PRAG1: variants seen among roughly 807,000 people sequenced by gnomAD.
PRAG1 encodes the protein PEAK1 related, kinase-activating pseudokinase 1, also known as inactive tyrosine-protein kinase PRAG1.
In PRAG1, 110 loss-of-function variants were observed where a neutral mutation model predicts 95.6. That is an observed-to-expected ratio of 1.15 (90% CI 0.99 to 1.35). PRAG1 has a LOEUF of 1.35. Ranked by LOEUF, PRAG1 falls within the 40% of genes most tolerant of loss-of-function variation. PRAG1 has a pLI of 0.00. For synonymous variants in PRAG1, 1,052 were observed against 819.4 expected (o/e 1.28, Z -4.85); for missense variants, 2,554 against 1,864.7 (o/e 1.37, Z -6.81).
At position 8,343,693 on chromosome 8, in the gene PRAG1, C is replaced by T. The variant is rs1023420704; in HGVS notation, c.2163-4058G>A. Among the ~76,000 whole-genome samples the T allele has an allele frequency of 5.3e-5, 8 of 152,128 alleles. No homozygotes were observed. The South Asian group carries it at 6.2e-4, about 12-fold the overall frequency. ...GGCCAGATGGTAAATATTTTAGGCT[C>T]GTGGACCATAAGGGTTCTGTTGCAA... On this transcript the variant is annotated intron_variant, in intron 3 of 5. Coordinates refer to ENST00000615670, the MANE Select transcript of PRAG1 (RefSeq NM_001080826.3).
chr8:8,364,992 T>C (rs1370470139), intron 3 of PRAG1, among the ~76,000 whole-genome samples: 3 of 152,154 alleles, frequency 2.0e-5, no homozygotes, highest in African/African-American at 7.2e-5. Flanking sequence ...ATGACATGAA[T>C]ATAGAGAAGA....
At chr8:8,347,185 C>T (rs1218771125) in intron 3 of PRAG1, among the ~76,000 whole-genome samples, 1 of 152,180 alleles carries the variant, frequency 6.6e-6, no homozygotes, top group Non-Finnish European at 1.5e-5. Flanking sequence ...TAGTGCTGTC[C>T]TCATCAGTGA....
chr8:8,324,250 T>C (rs1429396113), intron 5 of PRAG1, among the ~76,000 whole-genome samples: 1 of 152,124 alleles, frequency 6.6e-6, no homozygotes, highest in Non-Finnish European at 1.5e-5. Flanking sequence ...CTCCTTTTTC[T>C]CAGGGGTATG....
chr8:8,377,627 G>A lies in PRAG1; in HGVS notation c.782C>T (p.Pro261Leu), dbSNP rs367551818. The stretch of plus-strand genomic sequence containing the variant: ...GGCAGCCTTGGCAACAGGGCTCCCA[G>A]GGCAGCAGTCCAGGATGGAGCAGTA... ...GEYCSILDCC[P>L]GSPVAKAASQ... is the part of the protein sequence containing the mutation. The change falls in exon 3 of 6, where the codon CCT becomes CTT. Residue 261 changes from proline to leucine, a missense_variant. Physicochemically the swap from Pro to Leu is moderately conservative, Grantham distance 98. Transcript: ENST00000615670. 2.5e-6 allele frequency: 4 copies of A among 1,613,492 alleles called. No homozygotes were observed. Among genetic ancestry groups the A allele is most frequent in the South Asian group, 1.1e-5 (1 of 91,072 alleles).
At chr8:8,372,941 T>A (rs951770952) in intron 3 of PRAG1, among the ~76,000 whole-genome samples, 4 of 152,232 alleles carry the variant, frequency 2.6e-5, no homozygotes, top group Non-Finnish European at 2.9e-5. Flanking sequence ...AACAGTGTCC[T>A]GTATGAAGCA....
intron 2 of PRAG1, among the ~76,000 whole-genome samples, chr8:8,379,262 C>G (rs75734277): frequency 6.6e-6 from 1 of 152,304 alleles, no homozygotes; most frequent in South Asian, 2.1e-4. Context: ...TGAGCCTGTG[C>G]GAGTGGTTGG....
rs753059272 is a variant in PRAG1 at position 8,339,590 on chromosome 8, C to T, written c.2208G>A (p.Val736=). The change falls in exon 4 of 6, where the codon GTG becomes GTA. Residue 736 remains valine, a synonymous_variant. Coordinates refer to ENST00000615670, the MANE Select transcript of PRAG1 (RefSeq NM_001080826.3). The part of the protein sequence containing the change: ...MNKSSSDLEK[V]SQGSAESLSP... ...TGAGGCTTTCTGCAGAGCCCTGGCTCACTTTTTCCAAATCAGAGCTGCTCT... is the reference window on the plus strand; with the variant it reads ...TGAGGCTTTCTGCAGAGCCCTGGCTTACTTTTTCCAAATCAGAGCTGCTCT... The T allele has an allele frequency of 6.2e-7, 1 of 1,614,042 alleles. No individual in the cohort carries two copies. The highest frequency in any genetic ancestry group is 8.5e-7 in the Non-Finnish European group (1 of 1,179,934).
chr8:8,377,669 T>A lies in PRAG1; in HGVS notation c.740A>T (p.Asp247Val). The A allele has an allele frequency of 6.2e-7, 1 of 1,613,754 alleles. No homozygotes were observed. Among genetic ancestry groups the A allele is most frequent in the Non-Finnish European group, 8.5e-7 (1 of 1,179,970 alleles). The change falls in exon 3 of 6, where the codon GAC (aspartate) becomes GTC (valine). Residue 247 changes from aspartate to valine, a missense_variant. By Grantham distance (152) the Asp-to-Val change is radical. Coordinates refer to ENST00000615670, the MANE Select transcript of PRAG1 (RefSeq NM_001080826.3). ...GGAGCAGTACTCTCCACCCTCGCTGTCCCCGGAGGGCGAGCACCTTTGATC... is the reference window on the plus strand; with the variant it reads ...GGAGCAGTACTCTCCACCCTCGCTGACCCCGGAGGGCGAGCACCTTTGATC... ...DSDQRCSPSG[D>V]SEGGEYCSIL... is the part of the protein sequence containing the mutation.
At chr8:8,331,746 G>A (rs564608118) in intron 4 of PRAG1, among the ~76,000 whole-genome samples, 4 of 152,186 alleles carry the variant, frequency 2.6e-5, no homozygotes, top group East Asian at 3.9e-4. Flanking sequence ...AAAACCCTTC[G>A]TGTATTCAGG....
chr8:8,336,202 A>G lies in PRAG1; in HGVS notation c.2320+3276T>C, dbSNP rs185787435. On this transcript the variant is annotated intron_variant, in intron 4 of 5. Transcript: ENST00000615670. The stretch of plus-strand genomic sequence containing the variant: ...TCTTCTCTAATCTCCAGGCATTCAG[A>G]AATGTTTGCCGAACTGCTGAACTGA... 2.6e-3 allele frequency among the ~76,000 whole-genome samples: 402 copies of G among 152,346 alleles called. 3 individuals are homozygous for G. The highest frequency in any genetic ancestry group is 9.0e-3 in the African/African-American group (373 of 41,584).
At chr8:8,342,601 G>C (rs1412542252) in intron 3 of PRAG1, among the ~76,000 whole-genome samples, 1 of 152,158 alleles carries the variant, frequency 6.6e-6, no homozygotes, top group Non-Finnish European at 1.5e-5. Context: ...AATGAGATCA[G>C]TAAAGATCTG....
At chr8:8,361,607 A>G (rs1238363013) in intron 3 of PRAG1, among the ~76,000 whole-genome samples, 1 of 152,204 alleles carries the variant, frequency 6.6e-6, no homozygotes, top group Non-Finnish European at 1.5e-5. Context: ...AGCATAATCA[A>G]TCTATTTCTT....
intron 5 of PRAG1, among the ~76,000 whole-genome samples, chr8:8,321,362 C>T (rs908646618): frequency 5.3e-5 from 8 of 152,184 alleles, no homozygotes; most frequent in South Asian, 2.1e-4. Context: ...TGGGATTACT[C>T]GCGTGAACCA....
chr8:8,345,408 A>C (rs1799308281), intron 3 of PRAG1, among the ~76,000 whole-genome samples: 1 of 151,964 alleles, frequency 6.6e-6, no homozygotes, highest in African/African-American at 2.4e-5. Context: ...AAAGAAAATC[A>C]GAAATCAGTA....
intron 3 of PRAG1, among the ~76,000 whole-genome samples, chr8:8,364,964 T>C (rs2030279): frequency 0.5 from 76,017 of 151,928 alleles, 19,881 homozygotes; most frequent in East Asian, 0.87. Flanking sequence ...GACAATTTCC[T>C]TGTTTCACGT....
chr8:8,353,826 A>G (rs1374060429), intron 3 of PRAG1, among the ~76,000 whole-genome samples: 1 of 152,106 alleles, frequency 6.6e-6, no homozygotes, highest in African/African-American at 2.4e-5. Flanking sequence ...GAAGATGAAG[A>G]AAAAGAAGAA....
At chr8:8,346,115 G>A (rs1364340736) in intron 3 of PRAG1, among the ~76,000 whole-genome samples, 1 of 152,206 alleles carries the variant, frequency 6.6e-6, no homozygotes, top group Admixed American at 6.5e-5. Context: ...AAAAGACAAT[G>A]AGTGTACTCA....
At chr8:8,365,815 T>C (rs1453656166) in intron 3 of PRAG1, among the ~76,000 whole-genome samples, 4 of 129,392 alleles carry the variant, frequency 3.1e-5, no homozygotes, top group Non-Finnish European at 5.0e-5. Context: ...TACACACACA[T>C]ATATATATAC....
intron 3 of PRAG1, among the ~76,000 whole-genome samples, chr8:8,351,657 T>C (rs933321422): frequency 8.5e-5 from 13 of 152,236 alleles, no homozygotes; most frequent in African/African-American, 3.1e-4. Flanking sequence ...ATTTATAGTA[T>C]AGCCCCAGAT....
Sources: allele counts gnomAD v4.1 joint callset (sites outside exome capture counted in the v4.1 genomes callset), GRCh38; gene constraint gnomAD v4.1.1; transcripts MANE v1.5; gene names NCBI Gene and HGNC (gene_info 2026-07-23, HGNC 2026-07-21).